Variants in CNTN5 observed in about 807,000 individuals in gnomAD.
The protein encoded by CNTN5 is contactin 5.
CNTN5 carries 77 observed loss-of-function variants against 129.1 expected under a neutral mutation model. The ratio of observed to expected loss-of-function variants is 0.60; its 90% confidence interval spans 0.50 to 0.72. CNTN5 has a LOEUF of 0.72. Among genes scored for constraint, CNTN5 ranks in the 30% least tolerant of loss-of-function variants. The pLI, the probability that CNTN5 is intolerant of heterozygous loss-of-function variation, is 0.00. For synonymous variants in CNTN5, 509 were observed against 465.6 expected, an observed-to-expected ratio of 1.09 and a Z score of -1.20; for missense variants, 1,478 against 1,328.8, an observed-to-expected ratio of 1.11 and a Z score of -1.75.
chr11:100,232,594 A>G (rs965800602), intron 16 of CNTN5, among the ~76,000 whole-genome samples: 7 of 152,226 alleles, frequency 4.6e-5, no homozygotes, highest in Non-Finnish European at 1.0e-4. Context: ...CATACCCACA[A>G]GCTCTTACTA....
intron 11 of CNTN5, among the ~76,000 whole-genome samples, chr11:100,071,280 C>T (rs932406182): frequency 6.6e-6 from 1 of 152,046 alleles, no homozygotes; most frequent in East Asian, 1.9e-4. Context: ...AGGGATTGTT[C>T]TTATGACCTG....
chr11:99,831,485 G>A (rs112206453), intron 4 of CNTN5, among the ~76,000 whole-genome samples: 5 of 152,272 alleles, frequency 3.3e-5, no homozygotes, highest in South Asian at 2.1e-4. Context: ...GACCAGTGCC[G>A]GCTGTTGGCG....
intron 3 of CNTN5, among the ~76,000 whole-genome samples, chr11:99,810,823 G>A: frequency 6.6e-6 from 1 of 152,010 alleles, no homozygotes; most frequent in East Asian, 1.9e-4. Flanking sequence ...ATTTCTTTAT[G>A]CTGACTTTGA....
At chr11:99,280,056 G>C (rs940956360) in intron 1 of CNTN5, among the ~76,000 whole-genome samples, 1 of 151,550 alleles carries the variant, frequency 6.6e-6, no homozygotes, top group East Asian at 1.9e-4. Context: ...AATTATAAGA[G>C]AAATAGTTTA....
intron 7 of CNTN5, among the ~76,000 whole-genome samples, chr11:99,939,806 A>G (rs1410613472): frequency 6.6e-6 from 1 of 152,156 alleles, no homozygotes; most frequent in East Asian, 1.9e-4. Context: ...CAGTTTAGGA[A>G]ACGGTACTGA....
intron 3 of CNTN5, among the ~76,000 whole-genome samples, chr11:99,704,763 C>T (rs1278835193): frequency 6.6e-6 from 1 of 151,160 alleles, no homozygotes; most frequent in African/African-American, 2.4e-5. Context: ...AGATGAAATA[C>T]ATCTGTTTTC....
intron 3 of CNTN5, among the ~76,000 whole-genome samples, chr11:99,564,392 A>T (rs1294270283): frequency 6.6e-6 from 1 of 152,122 alleles, no homozygotes; most frequent in East Asian, 1.9e-4. Context: ...CTGGCCAACA[A>T]TTCTGTTTAT....
intron 3 of CNTN5, among the ~76,000 whole-genome samples, chr11:99,595,225 A>G (rs1182026100): frequency 6.6e-6 from 1 of 152,186 alleles, no homozygotes; most frequent in East Asian, 1.9e-4. Context: ...TGCCACTACA[A>G]AAAAAGGTAA....
At chr11:99,487,903 A>C (rs924131044) in intron 2 of CNTN5, among the ~76,000 whole-genome samples, 1 of 152,188 alleles carries the variant, frequency 6.6e-6, no homozygotes, top group Non-Finnish European at 1.5e-5. Context: ...AAGAGGGCTT[A>C]CTCAAATGTT....
At chr11:100,054,480 T>G (rs1057205039) in intron 9 of CNTN5, among the ~76,000 whole-genome samples, 3 of 151,854 alleles carry the variant, frequency 2.0e-5, no homozygotes, top group Non-Finnish European at 4.4e-5. Context: ...TAATCACACA[T>G]TTTTAACGTT....
chr11:99,206,851 A>G (rs1024739275), intron 1 of CNTN5, among the ~76,000 whole-genome samples: 1 of 152,116 alleles, frequency 6.6e-6, no homozygotes, highest in Non-Finnish European at 1.5e-5. Context: ...CTTTTGGCCA[A>G]AAGTTTACTT....
At chr11:100,275,360 C>A (rs531539) in intron 18 of CNTN5, among the ~76,000 whole-genome samples, 130,432 of 152,204 alleles carry the variant, frequency 0.86, 56,320 homozygotes, top group East Asian at 1. Flanking sequence ...CACTGTGCAG[C>A]TACTGAAATG....
chr11:99,125,907 A>G (rs1800682443), intron 1 of CNTN5, among the ~76,000 whole-genome samples: 1 of 152,180 alleles, frequency 6.6e-6, no homozygotes, highest in South Asian at 2.1e-4. Flanking sequence ...GTAATCTACA[A>G]AATGAGAAAT....
At chr11:100,144,734 A>AT (rs1318530859) in intron 13 of CNTN5, among the ~76,000 whole-genome samples, 3 of 74,674 alleles carry the variant, frequency 4.0e-5, no homozygotes, top group Non-Finnish European at 6.2e-5. Flanking sequence ...TGGAGTGAGG[A>AT]ATTTTTTTTT....
At chr11:100,093,992 T>C (rs1944894269) in intron 13 of CNTN5, among the ~76,000 whole-genome samples, 1 of 152,168 alleles carries the variant, frequency 6.6e-6, no homozygotes, top group Non-Finnish European at 1.5e-5. Flanking sequence ...AGGTTATTCA[T>C]AACTGTGTCG....
intron 3 of CNTN5, among the ~76,000 whole-genome samples, chr11:99,808,411 C>T (rs1001566668): frequency 1.3e-5 from 2 of 152,152 alleles, no homozygotes; most frequent in African/African-American, 4.8e-5. Flanking sequence ...GGTATTTAAT[C>T]TGTTAAATGA....
At chr11:100,127,810 C>T (rs955565504) in intron 13 of CNTN5, among the ~76,000 whole-genome samples, 4 of 151,778 alleles carry the variant, frequency 2.6e-5, no homozygotes, top group African/African-American at 9.7e-5. Flanking sequence ...AGTTGCCTGC[C>T]ACTGCATGCA....
chr11:99,187,246 A>C (rs2135581306), intron 1 of CNTN5, among the ~76,000 whole-genome samples: 1 of 151,926 alleles, frequency 6.6e-6, no homozygotes, highest in East Asian at 1.9e-4. Flanking sequence ...TGAAGTAATG[A>C]AAAATGTACC....
intron 2 of CNTN5, among the ~76,000 whole-genome samples, chr11:99,340,618 T>C (rs1866467971): frequency 6.6e-6 from 1 of 152,184 alleles, no homozygotes; most frequent in African/African-American, 2.4e-5. Flanking sequence ...TGCTAAGAGC[T>C]TTTGCAATGG....
Sources: allele counts gnomAD v4.1 joint callset (sites outside exome capture counted in the v4.1 genomes callset), GRCh38; gene constraint gnomAD v4.1.1; transcripts MANE v1.5; gene names NCBI Gene and HGNC (gene_info 2026-07-23, HGNC 2026-07-21).